The following PTPRA variants were observed in gnomAD, a reference collection of about 807,000 sequenced individuals.
PTPRA encodes protein tyrosine phosphatase receptor type A.
PTPRA carries 25 observed loss-of-function variants against 104.8 expected under a neutral mutation model. The observed-to-expected ratio is 0.24, with a 90% CI of 0.17 to 0.33. The LOEUF (loss-of-function observed/expected upper bound fraction) is 0.33. Ranked by LOEUF, PTPRA falls within the 10% of genes least tolerant of loss-of-function variation. The pLI is 1.00. For missense variants in PTPRA, 765 were observed against 1,015.3 expected (o/e 0.75, Z 3.35); for synonymous variants, 323 against 368.9 (o/e 0.88, Z 1.43).
intron 5 of PTPRA, among the ~76,000 whole-genome samples, chr20:2,966,659 A>G (rs771018172): frequency 2.0e-5 from 3 of 152,220 alleles, no homozygotes; most frequent in Non-Finnish European, 2.9e-5. Flanking sequence ...AGAGTTTTCT[A>G]GAATAATCCT....
At chr20:3,034,234 G>A (rs992216387) in intron 20 of PTPRA, among the ~76,000 whole-genome samples, 1 of 152,064 alleles carries the variant, frequency 6.6e-6, no homozygotes, top group African/African-American at 2.4e-5. Flanking sequence ...TCATGCCACT[G>A]CACTCCAGCC....
intron 1 of PTPRA, among the ~76,000 whole-genome samples, chr20:2,910,898 C>T (rs2059700016): frequency 6.7e-6 from 1 of 150,228 alleles, no homozygotes; most frequent in African/African-American, 2.4e-5. Flanking sequence ...AGCCACCGCA[C>T]CCGGCCTACT....
chr20:2,943,510 C>T (rs1037702270), intron 2 of PTPRA, among the ~76,000 whole-genome samples: 1 of 152,036 alleles, frequency 6.6e-6, no homozygotes, highest in Non-Finnish European at 1.5e-5. Context: ...ACTCAAGAGT[C>T]CATTGATTTA....
intron 10 of PTPRA, among the ~76,000 whole-genome samples, chr20:3,005,395 A>T (rs980235759): frequency 6.6e-6 from 1 of 152,008 alleles, no homozygotes; most frequent in African/African-American, 2.4e-5. Flanking sequence ...CAAAAACCTT[A>T]AAAAATTAGC....
In PTPRA at chr20:2,964,989, A is replaced by G. The variant is rs1330739608; in HGVS notation, c.202A>G (p.Asn68Asp). ...TTCTGTGGCACCAACATTCAGCCCA[A>G]ATATAACTCTGGGACCCACCTATTT... is the stretch of plus-strand genomic sequence containing the variant. ...SLSVAPTFSP[N>D]ITLGPTYLTT... is the part of the protein sequence containing the mutation. Residue 68 changes from asparagine to aspartate, a missense_variant, in exon 5 of 24, where the codon AAT becomes GAT. Physicochemically the swap from Asn to Asp is conservative, Grantham distance 23. Transcript: ENST00000399903. 4.3e-6 allele frequency: 7 copies of G among 1,614,030 alleles called. No homozygotes were observed. Among genetic ancestry groups the G allele is most frequent in the Non-Finnish European group, 5.1e-6 (6 of 1,179,878 alleles).
chr20:2,992,274 T>C (rs2063208228), intron 9 of PTPRA, among the ~76,000 whole-genome samples: 2 of 152,174 alleles, frequency 1.3e-5, no homozygotes, highest in African/African-American at 4.8e-5. Flanking sequence ...CCCTGCACTT[T>C]GAGAGGCTGA....
intron 20 of PTPRA, among the ~76,000 whole-genome samples, chr20:3,030,101 A>G (rs1447179168): frequency 1.3e-5 from 2 of 152,164 alleles, no homozygotes. Flanking sequence ...AGCTGGAACC[A>G]CGAGCACAAG....
At chr20:2,929,702 G>A (rs148172584) in intron 2 of PTPRA, among the ~76,000 whole-genome samples, 1 of 152,172 alleles carries the variant, frequency 6.6e-6, no homozygotes, top group East Asian at 1.9e-4. Flanking sequence ...GTACATGCCC[G>A]TGGTCCCAGC....
intron 6 of PTPRA, among the ~76,000 whole-genome samples, chr20:2,980,317 C>T (rs1007738026): frequency 3.3e-5 from 5 of 151,540 alleles, no homozygotes; most frequent in Non-Finnish European, 7.4e-5. Flanking sequence ...CCTATAATCC[C>T]AGCACTTTGG....
In PTPRA at chr20:3,037,034, C is replaced by G; in HGVS notation, c.2199-120C>G. The G allele has an allele frequency of 1.1e-5, 16 of 1,422,892 alleles. No individual in the cohort carries two copies. The highest frequency in any genetic ancestry group is 1.5e-5 in the Non-Finnish European group (16 of 1,043,732). The allele number at this position is 1,422,892 out of a possible 1,614,324, so 88.1% of individuals were successfully genotyped here. A position where few individuals can be genotyped will look rare whatever the true frequency, so the allele number is the denominator to read the frequency against. On this transcript the variant is annotated intron_variant, in intron 22 of 23. Coordinates refer to ENST00000399903, the MANE Select transcript of PTPRA (RefSeq NM_001385305.1). This position sits in a 1 kb window ranked among gnomAD's most constrained non-coding sequence, Gnocchi z 4.3. ...CAGAACCCCTCCAGGCTGGTGGGTC[C>G]ACAGGGCAAAGGCGAGCACCAGCTG...
At chr20:2,899,067 G>C (rs2059129458) in intron 1 of PTPRA, among the ~76,000 whole-genome samples, 1 of 152,066 alleles carries the variant, frequency 6.6e-6, no homozygotes, top group South Asian at 2.1e-4. Context: ...AAATGTACCA[G>C]GTAATCCCAG....
intron 20 of PTPRA, among the ~76,000 whole-genome samples, chr20:3,029,115 GA>G (rs373408338): frequency 0.57 from 79,754 of 140,556 alleles, 22,925 homozygotes; most frequent in East Asian, 0.76. Flanking sequence ...ATTACATCAG[GA>G]TTTTTTTTTT....
At chr20:2,869,936 T>C (rs1303583858), upstream of PTPRA, among the ~76,000 whole-genome samples, 1 of 151,320 alleles carries the variant, frequency 6.6e-6, no homozygotes, top group African/African-American at 2.4e-5. Context: ...AATGGCGCCA[T>C]TGCACTCCAG....
chr20:2,993,128 G>A (rs965279633), intron 9 of PTPRA, among the ~76,000 whole-genome samples: 1 of 152,202 alleles, frequency 6.6e-6, no homozygotes, highest in African/African-American at 2.4e-5. Context: ...AGATGGATTA[G>A]ATGGATTAAA....
Position 3,022,896 on chromosome 20 carries a change from C to T in PTPRA, c.1464+72C>T, listed in dbSNP as rs2064949797. On this transcript the variant is annotated intron_variant, in intron 16 of 23. Transcript: ENST00000399903. The surrounding 1 kb of genome is among the most constrained non-coding windows in gnomAD (Gnocchi z 4.6). ...AACATCTGCCCACATTGAGGATTCA[C>T]TCAGTCTCACAGGTTATTGTAAATG... is the stretch of plus-strand genomic sequence containing the variant. 26 of 1,596,482 alleles carry T rather than the reference C, an allele frequency of 1.6e-5. No homozygotes were observed. The South Asian group carries it at 2.5e-4, about 15-fold the overall frequency.
At chr20:3,036,958 A>G (rs1371173625) in intron 22 of PTPRA, among the ~76,000 whole-genome samples, 196 bp from the exon 23 acceptor site, 1 of 152,186 alleles carries the variant, frequency 6.6e-6, no homozygotes, top group Non-Finnish European at 1.5e-5. Flanking sequence ...GAGTCCCTCC[A>G]CAGCACATGG....
intron 20 of PTPRA, among the ~76,000 whole-genome samples, chr20:3,032,471 A>G (rs1276867090): frequency 6.6e-6 from 1 of 152,236 alleles, no homozygotes; most frequent in African/African-American, 2.4e-5. Flanking sequence ...AAACTCCTTT[A>G]AAGAGTTGGC....
At chr20:3,002,864 T>C (rs1452260942) in intron 9 of PTPRA, among the ~76,000 whole-genome samples, 2 of 152,170 alleles carry the variant, frequency 1.3e-5, no homozygotes, top group Non-Finnish European at 2.9e-5. Context: ...GATCTGACTT[T>C]GCCAGGCTCA....
intron 1 of PTPRA, among the ~76,000 whole-genome samples, chr20:2,889,842 T>A (rs2058728100): frequency 6.6e-6 from 1 of 152,152 alleles, no homozygotes. Flanking sequence ...GTCCTGAATG[T>A]GGCATCAAAG....
Sources: allele counts gnomAD v4.1 joint callset (sites outside exome capture counted in the v4.1 genomes callset), GRCh38; gene constraint gnomAD v4.1.1; non-coding constraint Gnocchi (gnomAD v3.1); transcripts MANE v1.5; gene names NCBI Gene and HGNC (gene_info 2026-07-23, HGNC 2026-07-21).